Variants in MACROD2 observed in about 807,000 individuals in gnomAD.
The protein encoded by MACROD2 is ADP-ribose glycohydrolase MACROD2.
A neutral mutation model predicts 70.4 loss-of-function variants in MACROD2; 36 were observed. The observed-to-expected ratio is 0.51, with a 90% CI of 0.39 to 0.68. The LOEUF (loss-of-function observed/expected upper bound fraction) is 0.68. Ranked by LOEUF, MACROD2 falls within the 30% of genes least tolerant of loss-of-function variation. The pLI, the probability that MACROD2 is intolerant of heterozygous loss-of-function variation, is 0.00. For synonymous variants in MACROD2, 172 were observed against 178.8 expected, an observed-to-expected ratio of 0.96 and a Z score of 0.30; for missense variants, 496 against 538.4, an observed-to-expected ratio of 0.92 and a Z score of 0.78.
chr20:14,793,917 A>G lies in MACROD2; in HGVS notation c.418+108958A>G, dbSNP rs748503756. ...GCTTCTCTGACAGTAATGATGGGTG[A>G]AAAAGGAAGGAGTAGGTCTTCTCCT... is the stretch of plus-strand genomic sequence containing the variant. On this transcript the variant is annotated intron_variant, in intron 5 of 17. Transcript: ENST00000684519. Among the ~76,000 whole-genome samples the G allele has an allele frequency of 1.1e-4, 16 of 152,146 alleles. No individual in the cohort carries two copies. The Middle Eastern group carries it at 0.01, about 98-fold the overall frequency.
intron 5 of MACROD2, among the ~76,000 whole-genome samples, chr20:14,938,412 G>A (rs1019223760): frequency 6.6e-6 from 1 of 152,040 alleles, no homozygotes; most frequent in African/African-American, 2.4e-5. Flanking sequence ...ATATCTCATT[G>A]TGGTTTTGAT....
At chr20:15,767,340 C>T (rs911384840) in intron 8 of MACROD2, among the ~76,000 whole-genome samples, 2 of 152,052 alleles carry the variant, frequency 1.3e-5, no homozygotes, top group Non-Finnish European at 2.9e-5. Context: ...ATAGTCTGTG[C>T]ACCGCATGAT....
At chr20:15,511,372 A>G (rs1047068090) in intron 8 of MACROD2, among the ~76,000 whole-genome samples, 26 of 152,194 alleles carry the variant, frequency 1.7e-4, no homozygotes, top group Non-Finnish European at 3.2e-4. Flanking sequence ...GCTAAGATGT[A>G]AAGACTTTTA....
intron 5 of MACROD2, among the ~76,000 whole-genome samples, chr20:14,960,688 C>T (rs1296122363): frequency 6.6e-6 from 1 of 152,066 alleles, no homozygotes; most frequent in Non-Finnish European, 1.5e-5. Flanking sequence ...AGGGGAAGAA[C>T]AGGTTTCTGG....
chr20:15,147,628 A>G (rs1367603075), intron 5 of MACROD2, among the ~76,000 whole-genome samples: 1 of 152,168 alleles, frequency 6.6e-6, no homozygotes, highest in Non-Finnish European at 1.5e-5. Context: ...CCTGGAATCC[A>G]TATCCAGTGG....
intron 13 of MACROD2, among the ~76,000 whole-genome samples, chr20:15,984,638 C>A (rs56106190): frequency 2.8e-4 from 42 of 150,576 alleles, no homozygotes; most frequent in Admixed American, 2.0e-3. Context: ...GCCTCCCCCC[C>A]CCGCCCTTCT....
At chr20:14,026,235 T>C (rs1201484874) in intron 2 of MACROD2, among the ~76,000 whole-genome samples, 2 of 152,248 alleles carry the variant, frequency 1.3e-5, no homozygotes, top group Non-Finnish European at 1.5e-5. Flanking sequence ...TCTATGTGTG[T>C]CTTTGCATGT....
chr20:14,949,089 G>T (rs1198068826), intron 5 of MACROD2, among the ~76,000 whole-genome samples: 1 of 152,120 alleles, frequency 6.6e-6, no homozygotes, highest in Admixed American at 6.6e-5. Flanking sequence ...TATCCACTCA[G>T]CAATAAGTAC....
At chr20:14,827,308 A>C (rs537568532) in intron 5 of MACROD2, among the ~76,000 whole-genome samples, 1 of 152,272 alleles carries the variant, frequency 6.6e-6, no homozygotes, top group South Asian at 2.1e-4. Context: ...CAGCGACCGC[A>C]TTAAGTAGGA....
At chr20:15,500,634 A>G (rs2047352970) in intron 8 of MACROD2, among the ~76,000 whole-genome samples, 1 of 152,092 alleles carries the variant, frequency 6.6e-6, no homozygotes, top group Non-Finnish European at 1.5e-5. Context: ...TCATTTTCTG[A>G]TGGACCATGA....
intron 3 of MACROD2, among the ~76,000 whole-genome samples, chr20:14,366,295 T>C (rs913922070): frequency 6.6e-6 from 1 of 152,056 alleles, no homozygotes; most frequent in African/African-American, 2.4e-5. Flanking sequence ...TAGGTGCATA[T>C]ATATTTGTAA....
intron 3 of MACROD2, among the ~76,000 whole-genome samples, chr20:14,232,429 T>A (rs1408957633): frequency 2.6e-5 from 4 of 152,212 alleles, no homozygotes; most frequent in Admixed American, 2.6e-4. Flanking sequence ...AAATCTCTTG[T>A]TTAGTATAGC....
chr20:15,333,843 C>T (rs2078019751), intron 6 of MACROD2, among the ~76,000 whole-genome samples: 1 of 151,626 alleles, frequency 6.6e-6, no homozygotes, highest in Non-Finnish European at 1.5e-5. Context: ...GTGATTTGAA[C>T]TTTACTTTTT....
At position 14,342,188 on chromosome 20, in the gene MACROD2, G is replaced by C. The variant is rs1304799788; in HGVS notation, c.272-151291G>C. 3.9e-5 allele frequency among the ~76,000 whole-genome samples: 6 copies of C among 152,310 alleles called. No individual in the cohort carries two copies. The East Asian group carries it at 9.6e-4, about 24-fold the overall frequency. ...CAGCCTTACTCAGACACAGAACTGA[G>C]AATGGAGGACAGGGCATGATCCAAA... On this transcript the variant is annotated intron_variant, in intron 3 of 17. Coordinates refer to ENST00000684519, the MANE Select transcript of MACROD2 (RefSeq NM_001351661.2).
At chr20:15,867,597 C>T (rs547865741) in intron 9 of MACROD2, among the ~76,000 whole-genome samples, 2 of 151,908 alleles carry the variant, frequency 1.3e-5, no homozygotes, top group Non-Finnish European at 2.9e-5. Context: ...TGTATTTTTT[C>T]AGTGTGTAGA....
At chr20:14,140,253 A>C (rs1463025749) in intron 3 of MACROD2, among the ~76,000 whole-genome samples, 3 of 152,220 alleles carry the variant, frequency 2.0e-5, no homozygotes, top group African/African-American at 7.2e-5. Flanking sequence ...GCTTTCTTAC[A>C]GAGTAGATGT....
intron 8 of MACROD2, among the ~76,000 whole-genome samples, chr20:15,809,622 A>C (rs1395440742): frequency 6.6e-6 from 1 of 152,342 alleles, no homozygotes; most frequent in Non-Finnish European, 1.5e-5. Context: ...CCCAGTTGTT[A>C]CAATGAGAAT....
intron 5 of MACROD2, among the ~76,000 whole-genome samples, chr20:15,091,484 C>T (rs568721013): frequency 4.0e-5 from 6 of 151,566 alleles, no homozygotes; most frequent in Non-Finnish European, 8.8e-5. Flanking sequence ...TGTTATTTAC[C>T]GATTTTCTGG....
chr20:15,226,792 A>G (rs1341126359), intron 5 of MACROD2, among the ~76,000 whole-genome samples: 2 of 152,170 alleles, frequency 1.3e-5, no homozygotes, highest in African/African-American at 2.4e-5. Context: ...GACCACAGAG[A>G]TAATCTAAGC....
Sources: gnomAD v4.1 joint callset for allele counts (sites outside exome capture counted in the v4.1 genomes callset) on GRCh38, gnomAD v4.1.1 for gene constraint, MANE v1.5 for transcripts, NCBI Gene and HGNC (gene_info 2026-07-23, HGNC 2026-07-21) for gene names.